Variants in ARHGEF28 observed in about 807,000 individuals in gnomAD.
ARHGEF28 encodes 190 kDa guanine nucleotide exchange factor.
Under a neutral mutation model 206.6 loss-of-function variants are expected in ARHGEF28, and 152 were observed. That is an observed-to-expected ratio of 0.74 (90% CI 0.64 to 0.84). The LOEUF is 0.84. ARHGEF28 is among the 40% of genes least tolerant of loss of function. ARHGEF28 has a pLI of 0.00. For missense variants in ARHGEF28, 2,028 were observed against 2,073.2 expected, an observed-to-expected ratio of 0.98 and a Z score of 0.42; for synonymous variants, 763 against 776.4, an observed-to-expected ratio of 0.98 and a Z score of 0.29.
chr5:73,647,992 T>C (rs9293610), intron 1 of ARHGEF28, among the ~76,000 whole-genome samples: 7,374 of 152,308 alleles, frequency 0.048, 584 homozygotes, highest in African/African-American at 0.17. Context: ...ATTGAATTAA[T>C]TGAGTGAAGC....
At position 73,911,404 on chromosome 5, in the gene ARHGEF28, T is replaced by C. The variant is rs1762895679; in HGVS notation, c.4777T>C (p.Tyr1593His). The change falls in exon 35 of 36, where the codon TAC (tyrosine) becomes CAC (histidine). Residue 1593 changes from tyrosine (Y) to histidine (H), a missense_variant. Tyr to His is a moderately conservative substitution (Grantham distance 83). Around this residue, in one of 3 missense-constraint regions of ARHGEF28, gnomAD observed 803 missense variants for 768.0 expected, o/e 1.05. Coordinates refer to ENST00000513042, the MANE Select transcript of ARHGEF28 (RefSeq NM_001177693.2). Reference sequence around the variant, plus strand: ...ATCAGTTATCCATCAGGATGCCACTTACCCTACAACTCAATCTCATTCTGA... The same window carrying C: ...ATCAGTTATCCATCAGGATGCCACTCACCCTACAACTCAATCTCATTCTGA... ...NPSVIHQDAT[Y>H]PTTQSHSDLV... The C allele has an allele frequency of 2.5e-6, 4 of 1,613,902 alleles. No homozygotes were observed. The highest frequency in any genetic ancestry group is 3.4e-6 in the Non-Finnish European group (4 of 1,179,906).
In ARHGEF28 at chr5:73,842,059, CAT is replaced by C. The variant is rs576918931; in HGVS notation, c.1427+1300_1427+1301del. 9.2e-4 allele frequency among the ~76,000 whole-genome samples: 140 copies of C among 152,280 alleles called. 1 individual carries two copies. The highest frequency in any genetic ancestry group is 2.8e-3 in the African/African-American group (117 of 41,546). ...TTACATATATTAGTGTGTGTGCACA[CAT>C]GTGTGTCCATATCTGTATATCTGTA... On this transcript the variant is annotated intron_variant, in intron 11 of 35. Coordinates refer to ENST00000513042, the MANE Select transcript of ARHGEF28 (RefSeq NM_001177693.2).
At chr5:73,795,778 C>G (rs753308313) in intron 9 of ARHGEF28, among the ~76,000 whole-genome samples, 61 of 152,266 alleles carry the variant, frequency 4.0e-4, no homozygotes, top group Non-Finnish European at 7.8e-4. Context: ...TTCATTCCAC[C>G]TGGCCCTAGA....
rs1019132033 is a variant in ARHGEF28, at chr5:73,886,106, T to C, written c.3310+2T>C. On this transcript the variant is annotated splice_donor_variant, in intron 25 of 35. Coordinates refer to ENST00000513042, the MANE Select transcript of ARHGEF28 (RefSeq NM_001177693.2). LOFTEE classifies it high-confidence loss of function. Reference sequence around the variant, plus strand: ...AAACTGCTACAGGTCGTTTCAAAGGTACTGTGGCTCTACCAGACCAATTTC... The same window carrying C: ...AAACTGCTACAGGTCGTTTCAAAGGCACTGTGGCTCTACCAGACCAATTTC... The C allele has an allele frequency of 1.2e-6, 2 of 1,609,460 alleles. No individual in the cohort carries two copies. Among genetic ancestry groups the C allele is most frequent in the Non-Finnish European group, 1.7e-6 (2 of 1,177,672 alleles).
intron 2 of ARHGEF28, among the ~76,000 whole-genome samples, chr5:73,741,409 A>G (rs1288984991): frequency 4.6e-3 from 98 of 21,426 alleles, no homozygotes; most frequent in South Asian, 0.011. Flanking sequence ...ATATATATAT[A>G]TATATATATA....
At chr5:73,671,781 A>G in intron 1 of ARHGEF28, among the ~76,000 whole-genome samples, 1 of 83,834 alleles carries the variant, frequency 1.2e-5, no homozygotes, top group African/African-American at 4.2e-5. Context: ...TTTGAGACGG[A>G]ATCTCGCTCT....
intron 4 of ARHGEF28, among the ~76,000 whole-genome samples, chr5:73,767,174 A>C (rs369784426): frequency 2.0e-5 from 3 of 152,098 alleles, no homozygotes; most frequent in Non-Finnish European, 4.4e-5. Context: ...CCATTAAACC[A>C]CTTTCTTTTG....
chr5:73,675,602 G>A (rs550002300), intron 1 of ARHGEF28, among the ~76,000 whole-genome samples: 4 of 151,554 alleles, frequency 2.6e-5, no homozygotes, highest in East Asian at 3.9e-4. Context: ...GCGTGGTGAC[G>A]GGTGCCTGTG....
intron 2 of ARHGEF28, among the ~76,000 whole-genome samples, chr5:73,739,130 CT>C (rs5868691): frequency 3.7e-4 from 56 of 149,802 alleles, no homozygotes; most frequent in Middle Eastern, 3.5e-3. Flanking sequence ...AAAAGGAAAC[CT>C]TTTTTTTTTC....
At chr5:73,858,730 G>A (rs1759206903) in intron 16 of ARHGEF28, among the ~76,000 whole-genome samples, 1 of 152,120 alleles carries the variant, frequency 6.6e-6, no homozygotes, top group African/African-American at 2.4e-5. Context: ...ACTTCCTTGT[G>A]CTTTTACCCC....
At chr5:73,883,509 A>G (rs1761082527) in intron 23 of ARHGEF28, among the ~76,000 whole-genome samples, 1 of 152,222 alleles carries the variant, frequency 6.6e-6, no homozygotes, top group Non-Finnish European at 1.5e-5. Flanking sequence ...GGCACTTAGA[A>G]GTATTGGAAC....
chr5:73,734,502 G>C (rs1241536116), intron 2 of ARHGEF28, among the ~76,000 whole-genome samples: 1 of 152,156 alleles, frequency 6.6e-6, no homozygotes, highest in Non-Finnish European at 1.5e-5. Flanking sequence ...AAAGAGGAAG[G>C]AAGATGATCC....
At chr5:73,881,759 C>T (rs183442940) in intron 22 of ARHGEF28, among the ~76,000 whole-genome samples, 1 of 152,336 alleles carries the variant, frequency 6.6e-6, no homozygotes, top group African/African-American at 2.4e-5. Context: ...AACTAGTTCT[C>T]TTCACAGCAC....
chr5:73,805,458 G>A (rs927533578), intron 9 of ARHGEF28, among the ~76,000 whole-genome samples: 2 of 152,164 alleles, frequency 1.3e-5, no homozygotes, highest in African/African-American at 4.8e-5. Context: ...TTGCAAATGA[G>A]TGGAGTCTAT....
chr5:73,778,405 C>A (rs763952351), intron 6 of ARHGEF28: 13 of 152,176 alleles, frequency 8.5e-5, no homozygotes, highest in Non-Finnish European at 1.5e-4. Context: ...ATGAGTAAAT[C>A]TAGATACCTC....
At chr5:73,939,489 C>T (rs534069549) in intron 35 of ARHGEF28, among the ~76,000 whole-genome samples, 1 of 152,334 alleles carries the variant, frequency 6.6e-6, no homozygotes, top group Admixed American at 6.5e-5. Flanking sequence ...GCCTCCCTAC[C>T]TCTCTTCCTC....
At chr5:73,672,659 GC>G (rs1746425081) in intron 1 of ARHGEF28, among the ~76,000 whole-genome samples, 1 of 152,166 alleles carries the variant, frequency 6.6e-6, no homozygotes, top group African/African-American at 2.4e-5. Context: ...GTCGTATCTT[GC>G]CCATGATGCT....
At chr5:73,779,377 A>C (rs1329349844) in intron 6 of ARHGEF28, among the ~76,000 whole-genome samples, 2 of 152,204 alleles carry the variant, frequency 1.3e-5, no homozygotes, top group Non-Finnish European at 2.9e-5. Context: ...AGGAAATTTA[A>C]GTTTTTCAAG....
chr5:73,744,046 A>G (rs1201565662), intron 2 of ARHGEF28, among the ~76,000 whole-genome samples: 2 of 151,986 alleles, frequency 1.3e-5, no homozygotes, highest in Non-Finnish European at 2.9e-5. Context: ...TCATAATAAT[A>G]CCTCCCAGGT....
Sources: gnomAD v4.1 joint callset for allele counts (sites outside exome capture counted in the v4.1 genomes callset) on GRCh38, gnomAD v4.1.1 for gene constraint, gnomAD v4.1.1 regional missense constraint, MANE v1.5 for transcripts, NCBI Gene and HGNC (gene_info 2026-07-23, HGNC 2026-07-21) for gene names.